The following PPFIA2 variants were observed in gnomAD, a reference collection of about 807,000 sequenced individuals.
PPFIA2 encodes the protein PPFI scaffold protein A2, also known as liprin-alpha-2.
PPFIA2 carries 46 observed loss-of-function variants against 175.5 expected under a neutral mutation model. That is an observed-to-expected ratio of 0.26 (90% CI 0.21 to 0.34). The LOEUF (loss-of-function observed/expected upper bound fraction) is 0.34. Ranked by LOEUF, PPFIA2 falls within the 10% of genes least tolerant of loss-of-function variation. PPFIA2 has a pLI of 1.00. For missense variants in PPFIA2, 1,179 were observed against 1,506.1 expected (o/e 0.78, Z 3.60); for synonymous variants, 568 against 511.4 (o/e 1.11, Z -1.49).
intron 4 of PPFIA2, among the ~76,000 whole-genome samples, chr12:81,663,199 C>A (rs1351987517): frequency 6.6e-6 from 1 of 152,072 alleles, no homozygotes; most frequent in Non-Finnish European, 1.5e-5. Flanking sequence ...GGCAATCAGG[C>A]AGGAGGAGGA....
At chr12:81,598,122 G>A in intron 4 of PPFIA2, 20 of 1,509,318 alleles carry the variant, frequency 1.3e-5, no homozygotes, top group Non-Finnish European at 1.7e-5. Flanking sequence ...ATGCATTGAG[G>A]GAGACTAGAG....
intron 6 of PPFIA2, among the ~76,000 whole-genome samples, chr12:81,442,561 C>G (rs1022570116): frequency 2.0e-5 from 3 of 151,624 alleles, no homozygotes; most frequent in Non-Finnish European, 2.9e-5. Context: ...TTGAAAAACA[C>G]AAGTATATTT....
intron 4 of PPFIA2, among the ~76,000 whole-genome samples, chr12:81,583,344 C>G (rs1198049191): frequency 1.3e-5 from 2 of 151,660 alleles, no homozygotes; most frequent in Admixed American, 6.6e-5. Flanking sequence ...CTTTACCCAT[C>G]TTCTCTTTTC....
intron 3 of PPFIA2, among the ~76,000 whole-genome samples, chr12:81,680,915 C>T (rs916521096): frequency 6.6e-6 from 1 of 151,954 alleles, no homozygotes; most frequent in Admixed American, 6.6e-5. Flanking sequence ...TGCTGACCTG[C>T]ACTTGTATAA....
At chr12:81,493,070 A>C (rs915677634) in intron 4 of PPFIA2, among the ~76,000 whole-genome samples, 1 of 152,060 alleles carries the variant, frequency 6.6e-6, no homozygotes, top group Non-Finnish European at 1.5e-5. Flanking sequence ...GCTGGAACAT[A>C]AGAAGAGAGA....
At chr12:81,604,613 C>A (rs200294689) in intron 4 of PPFIA2, among the ~76,000 whole-genome samples, 1 of 143,186 alleles carries the variant, frequency 7.0e-6, no homozygotes, top group Non-Finnish European at 1.5e-5. Context: ...ATATATATTA[C>A]AATATCACAC....
At chr12:81,671,342 C>A (rs1283487924) in intron 4 of PPFIA2, among the ~76,000 whole-genome samples, 1 of 151,878 alleles carries the variant, frequency 6.6e-6, no homozygotes, top group African/African-American at 2.4e-5. Flanking sequence ...TTCTTGTTGT[C>A]ACCTTACAGG....
chr12:81,281,214 C>T, intron 27 of PPFIA2, 43 bp downstream of exon 27: 1 of 1,404,440 alleles, frequency 7.1e-7, no homozygotes, highest in Non-Finnish European at 9.6e-7. Context: ...TATATTGTTT[C>T]ATTTTAATTA....
At chr12:81,645,240 A>G (rs1169914072) in intron 4 of PPFIA2, among the ~76,000 whole-genome samples, 3 of 152,094 alleles carry the variant, frequency 2.0e-5, no homozygotes, top group African/African-American at 7.2e-5. Flanking sequence ...GAACTTTTAA[A>G]AAGAAATTGA....
At chr12:81,573,792 T>C (rs759732087) in intron 4 of PPFIA2, among the ~76,000 whole-genome samples, 20 of 151,952 alleles carry the variant, frequency 1.3e-4, no homozygotes, top group Non-Finnish European at 2.8e-4. Context: ...TCCTCAATGA[T>C]ATTAAATTAT....
At chr12:81,733,164 C>A (rs1014472883) in intron 3 of PPFIA2, among the ~76,000 whole-genome samples, 1 of 151,018 alleles carries the variant, frequency 6.6e-6, no homozygotes, top group Non-Finnish European at 1.5e-5. Context: ...CATAAAATTC[C>A]AGTTTTAAAG....
At chr12:81,558,966 C>A (rs2069398749) in intron 4 of PPFIA2, among the ~76,000 whole-genome samples, 1 of 152,090 alleles carries the variant, frequency 6.6e-6, no homozygotes, top group Non-Finnish European at 1.5e-5. Context: ...CTGATAAGTT[C>A]TTGAATTACA....
chr12:81,443,470 T>C (rs2050608557), intron 6 of PPFIA2, among the ~76,000 whole-genome samples: 1 of 151,374 alleles, frequency 6.6e-6, no homozygotes, highest in Admixed American at 6.6e-5. Flanking sequence ...CATATAGTTA[T>C]GCTAAACCCA....
intron 4 of PPFIA2, among the ~76,000 whole-genome samples, chr12:81,499,612 G>T (rs2060386189): frequency 6.6e-6 from 1 of 152,114 alleles, no homozygotes; most frequent in Non-Finnish European, 1.5e-5. Context: ...AATCTGAGAT[G>T]CCTATAAGGT....
At chr12:81,426,721 C>A (rs1251740803) in intron 7 of PPFIA2, among the ~76,000 whole-genome samples, 3 of 151,736 alleles carry the variant, frequency 2.0e-5, no homozygotes, top group Non-Finnish European at 4.4e-5. Flanking sequence ...TTTGGAACTT[C>A]CACAGTTTTC....
chr12:81,384,351 A>G, intron 8 of PPFIA2, 107 bp from the exon 9 acceptor site: 1 of 853,386 alleles, frequency 1.2e-6, no homozygotes, highest in South Asian at 2.1e-5. Flanking sequence ...AGTGAGAAAT[A>G]AGAAATTCTG....
At chr12:81,694,968 G>A (rs889136575) in intron 3 of PPFIA2, among the ~76,000 whole-genome samples, 2 of 152,126 alleles carry the variant, frequency 1.3e-5, no homozygotes, top group African/African-American at 4.8e-5. Flanking sequence ...AATTGCATGA[G>A]GTCTACAGCC....
At chr12:81,607,695 G>A (rs2060471559) in intron 4 of PPFIA2, among the ~76,000 whole-genome samples, 1 of 152,030 alleles carries the variant, frequency 6.6e-6, no homozygotes, top group Admixed American at 6.6e-5. Context: ...GTAGCCTTTT[G>A]GCAGAGTCTT....
intron 4 of PPFIA2, among the ~76,000 whole-genome samples, chr12:81,662,054 G>C (rs2068987704): frequency 1.3e-5 from 2 of 152,168 alleles, no homozygotes; most frequent in African/African-American, 2.4e-5. Context: ...AAAGCAATGT[G>C]TAGAGGGAAA....
Sources: gnomAD v4.1 joint callset for allele counts (sites outside exome capture counted in the v4.1 genomes callset) on GRCh38, gnomAD v4.1.1 for gene constraint, MANE v1.5 for transcripts, NCBI Gene and HGNC (gene_info 2026-07-23, HGNC 2026-07-21) for gene names.